Variants in WDFY4 observed in about 807,000 individuals in gnomAD.
WDFY4 encodes WD repeat- and FYVE domain-containing protein 4.
A neutral mutation model predicts 351.9 loss-of-function variants in WDFY4; 169 were observed. That is an observed-to-expected ratio of 0.48 (90% CI 0.42 to 0.55). The LOEUF is 0.55. Ranked by LOEUF, WDFY4 falls within the 20% of genes least tolerant of loss-of-function variation. The pLI is 0.00. For missense variants in WDFY4, 3,803 were observed against 3,935.6 expected (o/e 0.97, Z 0.90); for synonymous variants, 1,622 against 1,574.6 (o/e 1.03, Z -0.71).
At chr10:48,698,792 G>C (rs1012641359) in intron 1 of WDFY4, among the ~76,000 whole-genome samples, 1 of 152,174 alleles carries the variant, frequency 6.6e-6, no homozygotes, top group South Asian at 2.1e-4. Flanking sequence ...TGTATCCGCC[G>C]AGGCTCTCCA....
At chr10:48,969,310 A>C in intron 56 of WDFY4, 62 bp downstream of exon 56, 4 of 1,531,322 alleles carry the variant, frequency 2.6e-6, no homozygotes, top group Non-Finnish European at 3.5e-6. Flanking sequence ...AGCTGGAGGC[A>C]GAGATGGCCC....
At chr10:48,818,932 C>T (rs1415219137) in intron 32 of WDFY4, among the ~76,000 whole-genome samples, 1 of 152,196 alleles carries the variant, frequency 6.6e-6, no homozygotes, top group Non-Finnish European at 1.5e-5. Flanking sequence ...CTACAGGCTC[C>T]CCCTCGACAC....
rs753098420 is a variant in WDFY4, at chr10:48,774,588, T to A, written c.2684T>A (p.Val895Asp). 28 of 1,551,554 alleles carry A rather than the reference T, an allele frequency of 1.8e-5. 1 individual carries two copies. In the South Asian group the frequency reaches 3.2e-4, roughly 18 times the overall value. Residue 895 changes from valine to aspartate, a missense_variant, in exon 14 of 62, where the codon GTC becomes GAC. Physicochemically the swap from Val to Asp is radical, Grantham distance 152. This residue lies in a region of WDFY4 where 3,054 missense variants were observed against 3,148.6 expected (regional missense o/e 0.97). Coordinates refer to ENST00000325239, the MANE Select transcript of WDFY4 (RefSeq NM_001394531.1). Reference protein sequence around the residue: ...TLMASCHRALVTSGSPLHSRL... With the variant: ...TLMASCHRALDTSGSPLHSRL... The stretch of plus-strand genomic sequence containing the variant: ...ATGGCCTCCTGCCACAGGGCCCTGG[T>A]CACCAGTGGCAGCCCCCTCCACTCA...
intron 47 of WDFY4, chr10:48,910,276 A>G (rs1268708820): frequency 2.5e-6 from 4 of 1,613,280 alleles, no homozygotes; most frequent in Non-Finnish European, 3.4e-6. Flanking sequence ...TGGAGACACA[A>G]GAAGGTGAGG....
chr10:48,793,714 C>G (rs1177488984), intron 23 of WDFY4, among the ~76,000 whole-genome samples: 1 of 152,164 alleles, frequency 6.6e-6, no homozygotes, highest in African/African-American at 2.4e-5. Flanking sequence ...AAGAACATGC[C>G]ATAGATAGTA....
chr10:48,731,881 G>A (rs1048719909), intron 9 of WDFY4, among the ~76,000 whole-genome samples: 2 of 152,226 alleles, frequency 1.3e-5, no homozygotes, highest in Non-Finnish European at 2.9e-5. Context: ...AGGAATGGGA[G>A]CTCAGAGAGG....
chr10:48,890,870 G>A, intron 44 of WDFY4, 143 bp downstream of exon 44: 1 of 1,222,160 alleles, frequency 8.2e-7, no homozygotes, highest in Non-Finnish European at 1.1e-6. Context: ...AAAACAGAAG[G>A]ACCTGCAGGC....
rs1047860773 is a variant in WDFY4 at position 48,727,570 on chromosome 10, C to G, written c.882C>G (p.Phe294Leu). ...VSEAVSLILGFVKDSYPVSSA... is the reference protein window; with the variant it reads ...VSEAVSLILGLVKDSYPVSSA... The stretch of plus-strand genomic sequence containing the variant: ...AGGCTGTAAGCCTGATCTTGGGATT[C>G]GTGAAGGACTCCTACCCCGTCTCCT... The change falls in exon 7 of 62, where the codon TTC becomes TTG. Residue 294 changes from phenylalanine to leucine, a missense_variant. Around this residue, in one of 3 missense-constraint regions of WDFY4, gnomAD observed 488 missense variants for 456.8 expected, o/e 1.07. Transcript: ENST00000325239. 1 of 1,551,918 alleles carries G rather than the reference C, an allele frequency of 6.4e-7. No individual in the cohort carries two copies. The highest frequency in any genetic ancestry group is 2.0e-5 in the Admixed American group (1 of 51,014).
intron 23 of WDFY4, among the ~76,000 whole-genome samples, chr10:48,792,518 T>C (rs1208460204): frequency 1.3e-5 from 2 of 152,206 alleles, no homozygotes; most frequent in Admixed American, 1.3e-4. Flanking sequence ...TTGGGGATAT[T>C]GGTACACAAA....
At chr10:48,787,762 C>A (rs2066450890) in intron 20 of WDFY4, among the ~76,000 whole-genome samples, 1 of 150,664 alleles carries the variant, frequency 6.6e-6, no homozygotes, top group Non-Finnish European at 1.5e-5. Context: ...GAGAGTTCGC[C>A]ACAGTTTTCT....
At chr10:48,949,621 A>T (rs562792503) in intron 51 of WDFY4, among the ~76,000 whole-genome samples, 14 of 152,198 alleles carry the variant, frequency 9.2e-5, no homozygotes, top group Non-Finnish European at 1.6e-4. Flanking sequence ...CCTGGGGTAG[A>T]TGATGGAGTG....
At chr10:48,744,410 T>TG (rs1324790630) in intron 12 of WDFY4, among the ~76,000 whole-genome samples, 2 of 152,208 alleles carry the variant, frequency 1.3e-5, no homozygotes, top group Non-Finnish European at 2.9e-5. Flanking sequence ...TTATGATTTT[T>TG]GGGGGTTAAT....
rs941771581 is a variant in WDFY4, at chr10:48,975,006, G to C, written c.9073G>C (p.Glu3025Gln). ...THVTRLPAHR[E>Q]GISAITISDV... Reference sequence around the variant, plus strand: ...CGTGACCCGCCTGCCCGCCCATCGGGAAGGCATCTCAGCCATCACCATCAG... The same window carrying C: ...CGTGACCCGCCTGCCCGCCCATCGGCAAGGCATCTCAGCCATCACCATCAG... Residue 3025 changes from glutamate to glutamine, a missense_variant, in exon 58 of 62, where the codon GAA becomes CAA. Coordinates refer to ENST00000325239, the MANE Select transcript of WDFY4 (RefSeq NM_001394531.1). The C allele has an allele frequency of 1.4e-5, 21 of 1,551,592 alleles. No individual in the cohort carries two copies. Among genetic ancestry groups the C allele is most frequent in the Non-Finnish European group, 1.7e-5 (19 of 1,147,012 alleles).
In WDFY4 at chr10:48,786,635, ACAG is replaced by A; in HGVS notation, c.3577-3_3577-1del. ...ACTCACTCTTGTCCTTTTTATTTTA[ACAG>A]ATGTTATACATCCAGGCTCTACCAG... On this transcript the variant is annotated splice_acceptor_variant and splice_polypyrimidine_tract_variant and intron_variant, in intron 19 of 61. Coordinates refer to ENST00000325239, the MANE Select transcript of WDFY4 (RefSeq NM_001394531.1). LOFTEE classifies it high-confidence loss of function. 6.5e-7 allele frequency: 1 copy of A among 1,547,928 alleles called. No homozygotes were observed. The highest frequency in any genetic ancestry group is 8.7e-7 in the Non-Finnish European group (1 of 1,145,466).
chr10:48,908,189 T>C (rs1837721517), intron 47 of WDFY4, among the ~76,000 whole-genome samples: 1 of 152,232 alleles, frequency 6.6e-6, no homozygotes, highest in Non-Finnish European at 1.5e-5. Flanking sequence ...GTAGCAAGCC[T>C]GCCCTTTTTC....
rs939518186 is a variant in WDFY4, at chr10:48,795,507, A to G, written c.4258-791A>G. Among the ~76,000 whole-genome samples, 68 of 101,364 alleles carry G rather than the reference A, an allele frequency of 6.7e-4. 1 individual carries two copies. The highest frequency in any genetic ancestry group is 2.8e-3 in the South Asian group (9 of 3,196). The allele number at this position is 101,364 out of a possible 152,430, so 66.5% of individuals were successfully genotyped here. A position where few individuals can be genotyped will look rare whatever the true frequency, so the allele number is the denominator to read the frequency against. On this transcript the variant is annotated intron_variant, in intron 23 of 61. Transcript: ENST00000325239. ...TGTGTGTCTGTATATATATATATAT[A>G]TATATATATATATATACATATATAT...
At chr10:48,702,874 C>T (rs892657854) in intron 1 of WDFY4, among the ~76,000 whole-genome samples, 4 of 152,172 alleles carry the variant, frequency 2.6e-5, no homozygotes, top group African/African-American at 7.2e-5. Context: ...GGTTGCTCTG[C>T]ACCCTTGCCA....
chr10:48,808,788 G>A (rs1248891410), intron 28 of WDFY4, among the ~76,000 whole-genome samples: 1 of 152,162 alleles, frequency 6.6e-6, no homozygotes, highest in African/African-American at 2.4e-5. Context: ...TTTTTGAAAG[G>A]GAATGTAGTG....
chr10:48,891,442 ACTGAGC>A (rs2070691737), intron 44 of WDFY4, among the ~76,000 whole-genome samples: 1 of 152,190 alleles, frequency 6.6e-6, no homozygotes, highest in South Asian at 2.1e-4. Flanking sequence ...AATCAAATTG[ACTGAGC>A]TTTTGCCAAA....
Sources: gnomAD v4.1 joint callset for allele counts (sites outside exome capture counted in the v4.1 genomes callset) on GRCh38, gnomAD v4.1.1 for gene constraint, gnomAD v4.1.1 regional missense constraint, MANE v1.5 for transcripts, NCBI Gene and HGNC (gene_info 2026-07-23, HGNC 2026-07-21) for gene names.